The following VKORC1L1 variants were observed in gnomAD, a reference collection of about 807,000 sequenced individuals.
VKORC1L1 encodes vitamin K epoxide reductase complex subunit 1-like protein 1.
Under a neutral mutation model 18.9 loss-of-function variants are expected in VKORC1L1, and 2 were observed. The observed-to-expected ratio is 0.11, with a 90% CI of 0.04 to 0.33. The LOEUF is 0.33. Among genes scored for constraint, VKORC1L1 ranks in the 10% least tolerant of loss-of-function variants. VKORC1L1 has a pLI of 1.00. For synonymous variants in VKORC1L1, 96 were observed against 100.0 expected (o/e 0.96, Z 0.24); for missense variants, 123 against 224.1 (o/e 0.55, Z 2.88).
At chr7:65,928,257 T>C (rs934125478) in intron 1 of VKORC1L1, among the ~76,000 whole-genome samples, 6 of 148,020 alleles carry the variant, frequency 4.1e-5, no homozygotes, top group Non-Finnish European at 6.0e-5. Context: ...TTTCCTTCTT[T>C]TTTTTTTTTT....
In VKORC1L1 at chr7:65,873,388, T is replaced by A. The variant is rs1454779378; in HGVS notation, c.17T>A (p.Leu6Gln). 6.5e-7 allele frequency: 1 copy of A among 1,548,684 alleles called. No individual in the cohort carries two copies. The highest frequency in any genetic ancestry group is 8.7e-7 in the Non-Finnish European group (1 of 1,151,362). MAAPVLLRVSVPRWER... is the reference protein window; with the variant it reads MAAPVQLRVSVPRWER... Reference sequence around the variant, plus strand: ...GGCGGGAAGATGGCGGCTCCCGTCCTGCTAAGAGTGTCGGTGCCGCGGTGG... The same window carrying A: ...GGCGGGAAGATGGCGGCTCCCGTCCAGCTAAGAGTGTCGGTGCCGCGGTGG... The change falls in exon 1 of 3, where the codon CTG (leucine) becomes CAG (glutamine). Residue 6 changes from leucine (L) to glutamine (Q), a missense_variant. By Grantham distance (113) the Leu-to-Gln change is moderately radical. This residue lies in a region of VKORC1L1 where 60 missense variants were observed against 76.9 expected (regional missense o/e 0.78). Transcript: ENST00000360768.
intron 1 of VKORC1L1, among the ~76,000 whole-genome samples, chr7:65,889,770 T>A (rs1789080489): frequency 1.3e-5 from 2 of 152,224 alleles, no homozygotes; most frequent in Non-Finnish European, 2.9e-5. Flanking sequence ...CTTAGTAGTT[T>A]AGTTTTGCTA....
intron 1 of VKORC1L1, among the ~76,000 whole-genome samples, chr7:65,885,995 A>G (rs1789005052): frequency 2.0e-5 from 3 of 152,234 alleles, no homozygotes; most frequent in South Asian, 4.1e-4. Flanking sequence ...ATCAAGGAGC[A>G]TATCGTATCT....
intron 1 of VKORC1L1, among the ~76,000 whole-genome samples, chr7:65,893,319 A>G (rs1583829499): frequency 6.6e-6 from 1 of 152,208 alleles, no homozygotes; most frequent in African/African-American, 2.4e-5. Flanking sequence ...AGGCGGGCAG[A>G]TAACCTGAGG....
chr7:65,947,598 A>T (rs1174248506), intron 1 of VKORC1L1, among the ~76,000 whole-genome samples: 5 of 152,180 alleles, frequency 3.3e-5, no homozygotes, highest in Non-Finnish European at 5.9e-5. Flanking sequence ...TTAAAGTTAA[A>T]TTGCAAATAA....
At chr7:65,916,409 C>G (rs118107523) in intron 1 of VKORC1L1, among the ~76,000 whole-genome samples, 502 of 152,114 alleles carry the variant, frequency 3.3e-3, no homozygotes, top group Non-Finnish European at 5.5e-3. Context: ...TGACTTCCAT[C>G]GCCTTCGATA....
At chr7:65,932,744 G>A (rs192506900) in intron 1 of VKORC1L1, among the ~76,000 whole-genome samples, 1 of 152,156 alleles carries the variant, frequency 6.6e-6, no homozygotes, top group East Asian at 1.9e-4. Flanking sequence ...TTTTGTTTAC[G>A]ATGTGGTCTA....
intron 1 of VKORC1L1, among the ~76,000 whole-genome samples, chr7:65,920,518 GA>G (rs1789658219): frequency 6.6e-6 from 1 of 152,258 alleles, no homozygotes; most frequent in Admixed American, 6.5e-5. Flanking sequence ...TACATAATTT[GA>G]GATAGAAGCT....
chr7:65,899,864 G>A (rs1490394441), intron 1 of VKORC1L1, among the ~76,000 whole-genome samples: 1 of 152,128 alleles, frequency 6.6e-6, no homozygotes, highest in South Asian at 2.1e-4. Flanking sequence ...GCCAGGCGTG[G>A]TGGTACATGC....
At chr7:65,950,538 G>A (rs1324846077) in intron 2 of VKORC1L1, among the ~76,000 whole-genome samples, 1 of 151,944 alleles carries the variant, frequency 6.6e-6, no homozygotes, top group African/African-American at 2.4e-5. Flanking sequence ...TAGTTCTGTC[G>A]AGTTTGCCCA....
chr7:65,887,005 A>G (rs1013150230), intron 1 of VKORC1L1, among the ~76,000 whole-genome samples: 1 of 150,410 alleles, frequency 6.6e-6, no homozygotes, highest in Non-Finnish European at 1.5e-5. Context: ...GCACGCCACC[A>G]ACCCTGGCTG....
At chr7:65,898,000 C>T (rs575815208) in intron 1 of VKORC1L1, among the ~76,000 whole-genome samples, 1 of 145,512 alleles carries the variant, frequency 6.9e-6, no homozygotes, top group East Asian at 2.1e-4. Flanking sequence ...AGCACAAAAA[C>T]TTGTGCAAAA....
chr7:65,934,503 T>C (rs938571280), intron 1 of VKORC1L1, among the ~76,000 whole-genome samples: 2 of 152,196 alleles, frequency 1.3e-5, no homozygotes, highest in East Asian at 3.9e-4. Context: ...CTGTCTGAGA[T>C]TTTTGTATCC....
intron 1 of VKORC1L1, among the ~76,000 whole-genome samples, chr7:65,916,708 C>T (rs1216097783): frequency 1.3e-5 from 2 of 151,896 alleles, no homozygotes; most frequent in East Asian, 1.9e-4. Flanking sequence ...AAGTGATTCT[C>T]CTGCCTCAGC....
At chr7:65,905,405 G>T (rs1439207288) in intron 1 of VKORC1L1, among the ~76,000 whole-genome samples, 1 of 151,946 alleles carries the variant, frequency 6.6e-6, no homozygotes, top group African/African-American at 2.4e-5. Context: ...CTGCCTTCTG[G>T]GTTCATGCCA....
chr7:65,923,528 G>A (rs897432868), intron 1 of VKORC1L1, among the ~76,000 whole-genome samples: 2 of 152,184 alleles, frequency 1.3e-5, no homozygotes, highest in Non-Finnish European at 2.9e-5. Flanking sequence ...AGGTTGGCAG[G>A]TGGCAACAGA....
intron 1 of VKORC1L1, among the ~76,000 whole-genome samples, chr7:65,930,132 G>A (rs941595199): frequency 2.0e-5 from 3 of 151,874 alleles, no homozygotes; most frequent in African/African-American, 7.3e-5. Flanking sequence ...TCTTGTGCCG[G>A]GTAACCTTAT....
At chr7:65,868,308 A>G (rs1362027931), upstream of VKORC1L1, among the ~76,000 whole-genome samples, 2 of 152,190 alleles carry the variant, frequency 1.3e-5, no homozygotes, top group Non-Finnish European at 2.9e-5. Context: ...TAAAAAATTG[A>G]AAGTCAGAAA....
At chr7:65,912,398 G>A (rs943350723) in intron 1 of VKORC1L1, among the ~76,000 whole-genome samples, 3 of 152,252 alleles carry the variant, frequency 2.0e-5, no homozygotes, top group Admixed American at 6.5e-5. Context: ...CGAGCTCACA[G>A]TGTTGACAGC....
Sources: gnomAD v4.1 joint callset for allele counts (sites outside exome capture counted in the v4.1 genomes callset) on GRCh38, gnomAD v4.1.1 for gene constraint, gnomAD v4.1.1 regional missense constraint, MANE v1.5 for transcripts, NCBI Gene and HGNC (gene_info 2026-07-23, HGNC 2026-07-21) for gene names.